Variants in ITGA8 observed in about 807,000 individuals in gnomAD.
The protein encoded by ITGA8 is integrin alpha-8.
In ITGA8, 91 loss-of-function variants were observed where a neutral mutation model predicts 142.3. That is an observed-to-expected ratio of 0.64 (90% confidence interval 0.54 to 0.76). The LOEUF (loss-of-function observed/expected upper bound fraction) is 0.76. Among genes scored for constraint, ITGA8 ranks in the 30% least tolerant of loss-of-function variants. The pLI, the probability that ITGA8 is intolerant of heterozygous loss-of-function variation, is 0.00. For synonymous variants in ITGA8, 505 were observed against 485.2 expected (o/e 1.04, Z -0.54); for missense variants, 1,406 against 1,327.7 (o/e 1.06, Z -0.92).
intron 6 of ITGA8, among the ~76,000 whole-genome samples, chr10:15,677,011 GA>G (rs774005497): frequency 2.0e-5 from 3 of 151,868 alleles, no homozygotes; most frequent in African/African-American, 4.8e-5. Flanking sequence ...CTCTGTCTCA[GA>G]AAAAAAACAG....
intron 1 of ITGA8, among the ~76,000 whole-genome samples, 187 bp downstream of exon 1, chr10:15,719,376 A>G (rs1156270547): frequency 1.3e-5 from 2 of 152,164 alleles, no homozygotes; most frequent in Non-Finnish European, 2.9e-5. Context: ...CTCTAGCTCA[A>G]AATTCACAAG....
intron 27 of ITGA8, among the ~76,000 whole-genome samples, chr10:15,546,140 A>G (rs1478192757): frequency 1.3e-5 from 2 of 152,074 alleles, no homozygotes; most frequent in Non-Finnish European, 2.9e-5. Flanking sequence ...TCCTGTGCCC[A>G]TCCTACCTGC....
intron 2 of ITGA8, among the ~76,000 whole-genome samples, chr10:15,713,181 C>T (rs1451838595): frequency 6.6e-6 from 1 of 152,146 alleles, no homozygotes; most frequent in Non-Finnish European, 1.5e-5. Flanking sequence ...TGATGGTTGC[C>T]TCTGTCATGC....
chr10:15,649,615 CA>C (rs199606150), intron 11 of ITGA8, among the ~76,000 whole-genome samples: 943 of 87,984 alleles, frequency 0.011, 4 homozygotes, highest in African/African-American at 0.018. Flanking sequence ...GACTCCGTCT[CA>C]AAAAAAAAAA....
intron 26 of ITGA8, among the ~76,000 whole-genome samples, chr10:15,551,503 A>T (rs1326865219): frequency 1.3e-5 from 2 of 152,168 alleles, no homozygotes; most frequent in Non-Finnish European, 2.9e-5. Flanking sequence ...AATGAAACAG[A>T]AGACAGGAAA....
At chr10:15,607,153 A>G (rs1318125197) in intron 17 of ITGA8, among the ~76,000 whole-genome samples, 1 of 152,210 alleles carries the variant, frequency 6.6e-6, no homozygotes, top group African/African-American at 2.4e-5. Flanking sequence ...CACAACCGGC[A>G]AGGTGAAGAT....
At chr10:15,691,655 G>C (rs1834936509) in intron 2 of ITGA8, among the ~76,000 whole-genome samples, 1 of 152,126 alleles carries the variant, frequency 6.6e-6, no homozygotes, top group South Asian at 2.1e-4. Context: ...AAAAAGTCAG[G>C]CTCATAGAAG....
Position 15,644,078 on chromosome 10 carries a change from C to G in ITGA8, c.1351G>C (p.Gly451Arg). The change falls in exon 13 of 30, where the codon GGC (glycine) becomes CGC (arginine). Residue 451 changes from glycine to arginine, a missense_variant. Physicochemically the swap from Gly to Arg is moderately radical, Grantham distance 125. Coordinates refer to ENST00000378076, the MANE Select transcript of ITGA8 (RefSeq NM_003638.3). ...TCTGAATCTCCTCTTAAAGTAAAGC[C>G]AAATCCGGAAGGGACAGCATGTGAG... is the stretch of plus-strand genomic sequence containing the variant. ...WASHAVPSGF[G>R]FTLRGDSDID... 2 of 1,613,898 alleles carry G rather than the reference C, an allele frequency of 1.2e-6. No homozygotes were observed. Among genetic ancestry groups the G allele is most frequent in the Non-Finnish European group, 1.7e-6 (2 of 1,179,912 alleles).
chr10:15,545,004 C>A (rs1448144533), intron 27 of ITGA8, among the ~76,000 whole-genome samples: 1 of 152,178 alleles, frequency 6.6e-6, no homozygotes, highest in Admixed American at 6.5e-5. Context: ...CAACTGACAT[C>A]TCAGCTGTAA....
chr10:15,655,332 TGA>T lies in ITGA8; in HGVS notation c.1001+20_1001+21del. On this transcript the variant is annotated intron_variant, in intron 11 of 29. Coordinates refer to ENST00000378076, the MANE Select transcript of ITGA8 (RefSeq NM_003638.3). ...ATGGATGAATGTAATATATTGTATA[TGA>T]GAGAGGTCTATAAACTTACCCATCA... 1 of 1,461,858 alleles carries T rather than the reference TGA, an allele frequency of 6.8e-7. No individual in the cohort carries two copies. Among genetic ancestry groups the T allele is most frequent in the Non-Finnish European group, 9.6e-7 (1 of 1,043,010 alleles). 90.6% of individuals were successfully genotyped at this position (1,461,858 alleles called of 1,614,324 possible).
At chr10:15,705,106 A>G (rs528022979) in intron 2 of ITGA8, among the ~76,000 whole-genome samples, 3 of 152,110 alleles carry the variant, frequency 2.0e-5, no homozygotes, top group Non-Finnish European at 4.4e-5. Flanking sequence ...GAAGATTAAC[A>G]CTCGAGAGGA....
chr10:15,523,777 T>A (rs1314293750), intron 28 of ITGA8, among the ~76,000 whole-genome samples: 17 of 105,752 alleles, frequency 1.6e-4, no homozygotes, highest in Non-Finnish European at 2.9e-4. Context: ...AAAAAAAAAA[T>A]TAGACAGTTG....
intron 2 of ITGA8, among the ~76,000 whole-genome samples, chr10:15,718,133 G>T (rs1305092327): frequency 6.6e-6 from 1 of 152,136 alleles, no homozygotes; most frequent in Non-Finnish European, 1.5e-5. Context: ...AAACACCAGA[G>T]GAAACGTAAC....
intron 21 of ITGA8, among the ~76,000 whole-genome samples, chr10:15,594,139 C>T (rs928970318): frequency 2.6e-5 from 4 of 152,004 alleles, no homozygotes; most frequent in African/African-American, 7.2e-5. Flanking sequence ...AGGGCCCGGC[C>T]GGATGAATTT....
At chr10:15,561,762 G>A (rs772871792) in intron 25 of ITGA8, among the ~76,000 whole-genome samples, 7 of 152,116 alleles carry the variant, frequency 4.6e-5, no homozygotes, top group Non-Finnish European at 8.8e-5. Context: ...GATGATTAGG[G>A]GCATGTGGAA....
chr10:15,582,906 G>A lies in ITGA8; in HGVS notation c.2372+3678C>T, dbSNP rs938926606. ...TAAACATACACATATCATACAACTC[G>A]GTAATTCCATTTGTGAAAACAAATG... On this transcript the variant is annotated intron_variant, in intron 23 of 29. Transcript: ENST00000378076. Among the ~76,000 whole-genome samples, 42 of 152,164 alleles carry A rather than the reference G, an allele frequency of 2.8e-4. 1 individual carries two copies. Among genetic ancestry groups the A allele is most frequent in the Admixed American group, 2.6e-3 (39 of 15,284 alleles).
chr10:15,680,662 C>T (rs1834720541), intron 4 of ITGA8, among the ~76,000 whole-genome samples: 1 of 151,782 alleles, frequency 6.6e-6, no homozygotes, highest in Non-Finnish European at 1.5e-5. Flanking sequence ...AAATTCAACC[C>T]TGACTTTTTA....
At chr10:15,604,986 T>C (rs576240299) in intron 19 of ITGA8, among the ~76,000 whole-genome samples, 2 of 152,294 alleles carry the variant, frequency 1.3e-5, no homozygotes, top group South Asian at 2.1e-4. Flanking sequence ...CTTTTTAACC[T>C]TACTTAAAGC....
chr10:15,595,379 A>G (rs1427751395), intron 21 of ITGA8, among the ~76,000 whole-genome samples: 1 of 152,238 alleles, frequency 6.6e-6, no homozygotes, highest in Non-Finnish European at 1.5e-5. Flanking sequence ...GTGTTTTATA[A>G]CAAAACAGAA....
Sources: allele counts gnomAD v4.1 joint callset (sites outside exome capture counted in the v4.1 genomes callset), GRCh38; gene constraint gnomAD v4.1.1; transcripts MANE v1.5; gene names NCBI Gene and HGNC (gene_info 2026-07-23, HGNC 2026-07-21).